MMP26: variants seen among roughly 807,000 people sequenced by gnomAD.
The protein encoded by MMP26 is matrix metallopeptidase 26.
Under a neutral mutation model 31.0 loss-of-function variants are expected in MMP26, and 33 were observed. The ratio of observed to expected loss-of-function variants is 1.06; its 90% CI spans 0.81 to 1.42. The LOEUF (loss-of-function observed/expected upper bound fraction) is 1.42, where lower values mean the gene tolerates loss of function less well. MMP26 is among the 40% of genes most tolerant of loss of function. The pLI is 0.00. For missense variants in MMP26, 347 were observed against 316.1 expected (o/e 1.10, Z -0.74); for synonymous variants, 122 against 114.9 (o/e 1.06, Z -0.40).
chr11:4,722,967 G>T, intron 1 of MMP26: 7 of 808,040 alleles, frequency 8.7e-6, no homozygotes, highest in Middle Eastern at 2.9e-4. Context: ...CTCATGTTCT[G>T]CATCCCAGAC....
rs570197936 is a variant in MMP26, at chr11:4,990,829, C to T, written c.469+83C>T. ...TTTCCATCCTTAAACAAAAACCTAG[C>T]CCCCCTATTAAAGTTTCTGAGAAAA... On this transcript the variant is annotated intron_variant, in intron 5 of 7. Coordinates refer to ENST00000380390, the MANE Select transcript of MMP26 (RefSeq NM_021801.5). The T allele has an allele frequency of 2.8e-4, 394 of 1,404,406 alleles. 1 individual carries two copies. In the African/African-American group the frequency reaches 5.2e-3, roughly 19 times the overall value. The allele number at this position is 1,404,406 out of a possible 1,614,324, so 87.0% of individuals were successfully genotyped here.
At chr11:4,835,498 A>G (rs544451771) in intron 2 of MMP26, among the ~76,000 whole-genome samples, 3 of 152,212 alleles carry the variant, frequency 2.0e-5, no homozygotes, top group Admixed American at 2.0e-4. Context: ...GGCCGGGGGT[A>G]TTAATAACAA....
chr11:4,950,105 TAGAA>T (rs1209662045), intron 2 of MMP26, among the ~76,000 whole-genome samples: 1 of 123,540 alleles, frequency 8.1e-6, no homozygotes, highest in African/African-American at 2.7e-5. Context: ...TAAATGCAAG[TAGAA>T]AGAAAGAAAT....
intron 2 of MMP26, among the ~76,000 whole-genome samples, chr11:4,767,940 C>T (rs1589894404): frequency 6.6e-6 from 1 of 152,114 alleles, no homozygotes; most frequent in South Asian, 2.1e-4. Context: ...CAAAGAGTTA[C>T]CATAAGTTCG....
At chr11:4,744,243 C>T (rs1168534742) in intron 1 of MMP26, among the ~76,000 whole-genome samples, 2 of 152,082 alleles carry the variant, frequency 1.3e-5, no homozygotes, top group Non-Finnish European at 2.9e-5. Flanking sequence ...TGGACATTTT[C>T]AGAATGAAGG....
chr11:4,848,503 C>G, intron 2 of MMP26: 3 of 1,613,646 alleles, frequency 1.9e-6, no homozygotes, highest in Non-Finnish European at 1.7e-6. Flanking sequence ...TCTCTGGACT[C>G]CACACCTTGC....
At position 4,948,138 on chromosome 11, in the gene MMP26, C is replaced by A. The variant is rs1384483708; in HGVS notation, c.-144-39930C>A. Among the ~76,000 whole-genome samples, 2 of 124,612 alleles carry A rather than the reference C, an allele frequency of 1.6e-5. 1 individual carries two copies. Among genetic ancestry groups the A allele is most frequent in the East Asian group, 4.6e-4 (2 of 4,394 alleles). 81.8% of individuals were successfully genotyped at this position (124,612 alleles called of 152,430 possible). ...AACTTATACAAGTTTTTCTCCCTTACCAAATCTTCCCTGTTTAAGGGACCT... is the reference window on the plus strand; with the variant it reads ...AACTTATACAAGTTTTTCTCCCTTAACAAATCTTCCCTGTTTAAGGGACCT... On this transcript the variant is annotated intron_variant, in intron 2 of 7. Coordinates refer to ENST00000380390, the MANE Select transcript of MMP26 (RefSeq NM_021801.5).
At chr11:4,745,575 G>A (rs542430144) in intron 1 of MMP26, among the ~76,000 whole-genome samples, 4 of 152,222 alleles carry the variant, frequency 2.6e-5, no homozygotes, top group African/African-American at 7.2e-5. Flanking sequence ...ACATTTGTAC[G>A]TTCGTCACTA....
intron 2 of MMP26, among the ~76,000 whole-genome samples, chr11:4,817,409 C>T (rs1849436938): frequency 6.6e-6 from 1 of 152,030 alleles, no homozygotes; most frequent in Admixed American, 6.6e-5. Context: ...TGTAATGGGG[C>T]CCCTTCTCTG....
chr11:4,955,918 A>C (rs1259500608), intron 2 of MMP26, among the ~76,000 whole-genome samples: 1 of 152,260 alleles, frequency 6.6e-6, no homozygotes, highest in Non-Finnish European at 1.5e-5. Flanking sequence ...AATACTTTAG[A>C]GTAGAATCTG....
At chr11:4,837,853 A>G (rs1849739745) in intron 2 of MMP26, among the ~76,000 whole-genome samples, 1 of 152,108 alleles carries the variant, frequency 6.6e-6, no homozygotes, top group Non-Finnish European at 1.5e-5. Context: ...ACAGAGTTAT[A>G]AACACATGGA....
chr11:4,767,506 A>T (rs1848647671), intron 2 of MMP26, among the ~76,000 whole-genome samples, 165 bp downstream of exon 2: 1 of 152,176 alleles, frequency 6.6e-6, no homozygotes. Flanking sequence ...ACGAGGTCAA[A>T]CATAAAATAT....
rs1421370161 is a variant in MMP26, at chr11:4,766,795, T to C, written c.-216-475T>C. On this transcript the variant is annotated intron_variant, in intron 1 of 7. Transcript: ENST00000380390. ...CACGGTTTCTCTCTCTCTTTCTCTATGACATTCATTTTTTGCAGTGACTCT... is the reference window on the plus strand; with the variant it reads ...CACGGTTTCTCTCTCTCTTTCTCTACGACATTCATTTTTTGCAGTGACTCT... 2.3e-4 allele frequency among the ~76,000 whole-genome samples: 31 copies of C among 134,636 alleles called. 1 individual carries two copies. The highest frequency in any genetic ancestry group is 1.0e-3 in the African/African-American group (30 of 29,744). 88.3% of individuals were successfully genotyped at this position (134,636 alleles called of 152,430 possible). A position where few individuals can be genotyped will look rare whatever the true frequency, so the allele number is the denominator to read the frequency against.
At chr11:4,720,935 TGG>T (rs891513162) in intron 1 of MMP26, among the ~76,000 whole-genome samples, 1 of 152,152 alleles carries the variant, frequency 6.6e-6, no homozygotes, top group Admixed American at 6.5e-5. Context: ...GCTGGAAGTG[TGG>T]GAAAAAATAA....
At chr11:4,841,336 C>T (rs1384640597) in intron 2 of MMP26, among the ~76,000 whole-genome samples, 4 of 152,032 alleles carry the variant, frequency 2.6e-5, no homozygotes, top group Admixed American at 1.3e-4. Flanking sequence ...AATACCGAAT[C>T]AATTTAACCC....
chr11:4,751,987 A>C (rs1848452297), intron 1 of MMP26: 1 of 152,136 alleles, frequency 6.6e-6, no homozygotes, highest in African/African-American at 2.4e-5. Context: ...ATTTGTGGTA[A>C]ATTTTCTAGA....
chr11:4,725,856 A>G (rs566812761), intron 1 of MMP26, among the ~76,000 whole-genome samples: 1 of 152,326 alleles, frequency 6.6e-6, no homozygotes, highest in East Asian at 1.9e-4. Flanking sequence ...ACTCTCACAA[A>G]TCTGCTTGTG....
chr11:4,955,456 G>A lies in MMP26; in HGVS notation c.-144-32612G>A, dbSNP rs186822372. On this transcript the variant is annotated intron_variant, in intron 2 of 7. Transcript: ENST00000380390. ...AAGTTTCAGGGGCATTGAACAGGAA[G>A]ATGCTTAACACAGTGGGCAGAGATG... The A allele has an allele frequency of 1.3e-5, 16 of 1,200,266 alleles. 4 individuals are homozygous for A. In the African/African-American group the frequency reaches 1.8e-4, roughly 14 times the overall value. 74.4% of individuals were successfully genotyped at this position (1,200,266 alleles called of 1,614,324 possible).
intron 2 of MMP26, among the ~76,000 whole-genome samples, chr11:4,893,943 A>T (rs1246281833): frequency 6.9e-6 from 1 of 144,014 alleles, no homozygotes; most frequent in Non-Finnish European, 1.6e-5. Context: ...CTACAAAAAT[A>T]AAAAAAAAAA....
Sources: gnomAD v4.1 joint callset for allele counts (sites outside exome capture counted in the v4.1 genomes callset) on GRCh38, gnomAD v4.1.1 for gene constraint, MANE v1.5 for transcripts, NCBI Gene and HGNC (gene_info 2026-07-23, HGNC 2026-07-21) for gene names.